The following TBC1D5 variants were observed in gnomAD, a reference collection of about 807,000 sequenced individuals.
The protein encoded by TBC1D5 is TBC1 domain family, member 5.
Under a neutral mutation model 100.3 loss-of-function variants are expected in TBC1D5, and 75 were observed. The ratio of observed to expected loss-of-function variants is 0.75; its 90% CI spans 0.62 to 0.91. The LOEUF is 0.91. Ranked by LOEUF, TBC1D5 falls within the 40% of genes least tolerant of loss-of-function variation. TBC1D5 has a pLI of 0.00. For synonymous variants in TBC1D5, 323 were observed against 325.6 expected, an observed-to-expected ratio of 0.99 and a Z score of 0.09; for missense variants, 910 against 942.4, an observed-to-expected ratio of 0.97 and a Z score of 0.45.
At chr3:17,588,593 A>T (rs965683224) in intron 2 of TBC1D5, among the ~76,000 whole-genome samples, 2 of 152,122 alleles carry the variant, frequency 1.3e-5, no homozygotes, top group African/African-American at 4.8e-5. Flanking sequence ...TTTAACGCAC[A>T]AATGCTCAGA....
intron 3 of TBC1D5, among the ~76,000 whole-genome samples, chr3:17,448,350 G>A (rs1167880388): frequency 6.6e-6 from 1 of 152,074 alleles, no homozygotes; most frequent in Non-Finnish European, 1.5e-5. Context: ...CCCTGTTCAG[G>A]CTGATATTTT....
At chr3:17,511,190 G>A (rs960019677) in intron 2 of TBC1D5, among the ~76,000 whole-genome samples, 4 of 151,950 alleles carry the variant, frequency 2.6e-5, no homozygotes, top group Non-Finnish European at 5.9e-5. Flanking sequence ...AAAATACTGA[G>A]TAGAACAGAT....
At chr3:17,393,124 T>TG (rs2093403891) in intron 8 of TBC1D5, among the ~76,000 whole-genome samples, 1 of 151,954 alleles carries the variant, frequency 6.6e-6, no homozygotes, top group Admixed American at 6.6e-5. Flanking sequence ...TGAGGTTTTT[T>TG]TTTTTCCATG....
intron 3 of TBC1D5, among the ~76,000 whole-genome samples, chr3:17,462,708 T>C (rs1417070109): frequency 1.3e-5 from 2 of 152,192 alleles, no homozygotes; most frequent in African/African-American, 4.8e-5. Context: ...ACTGCTTGCC[T>C]ATCTATACAG....
intron 3 of TBC1D5, among the ~76,000 whole-genome samples, chr3:17,447,056 G>T (rs1166031632): frequency 6.6e-6 from 1 of 152,104 alleles, no homozygotes; most frequent in Non-Finnish European, 1.5e-5. Flanking sequence ...AGAGGATTTT[G>T]AGAAGGAGGA....
intron 2 of TBC1D5, among the ~76,000 whole-genome samples, chr3:17,536,985 G>C (rs2096288627): frequency 6.6e-6 from 1 of 152,192 alleles, no homozygotes; most frequent in Non-Finnish European, 1.5e-5. Flanking sequence ...AAAGGTGTCA[G>C]ACTGTTAGTT....
chr3:17,419,497 T>C (rs950489033), intron 4 of TBC1D5, among the ~76,000 whole-genome samples: 8 of 152,180 alleles, frequency 5.3e-5, no homozygotes, highest in African/African-American at 1.9e-4. Context: ...CATTCTAATA[T>C]ACTGCAAAAG....
chr3:17,473,678 T>G (rs1171095488), intron 3 of TBC1D5, among the ~76,000 whole-genome samples: 1 of 152,174 alleles, frequency 6.6e-6, no homozygotes, highest in Non-Finnish European at 1.5e-5. Context: ...GTAAATCAAA[T>G]TTGATGAGGA....
intron 2 of TBC1D5, among the ~76,000 whole-genome samples, chr3:17,602,594 A>G (rs2061039705): frequency 1.3e-5 from 1 of 76,260 alleles, no homozygotes; most frequent in African/African-American, 5.3e-5. Context: ...TTTTTTTGAG[A>G]CGGAGTCTCT....
intron 2 of TBC1D5, among the ~76,000 whole-genome samples, chr3:17,584,782 G>A (rs749147173): frequency 6.6e-6 from 1 of 152,206 alleles, no homozygotes; most frequent in Non-Finnish European, 1.5e-5. Flanking sequence ...TCAGCCTCAT[G>A]AGTAGCTGGG....
chr3:17,343,089 T>C (rs7621906), intron 13 of TBC1D5, among the ~76,000 whole-genome samples: 13,202 of 151,768 alleles, frequency 0.087, 1,133 homozygotes, highest in African/African-American at 0.25. Context: ...TTCAGTATGA[T>C]ATTGGCTGTG....
chr3:17,587,177 C>T (rs561100896), intron 2 of TBC1D5, among the ~76,000 whole-genome samples: 37 of 151,950 alleles, frequency 2.4e-4, no homozygotes, highest in African/African-American at 8.4e-4. Flanking sequence ...ATCATACACA[C>T]AGATATATTT....
intron 2 of TBC1D5, among the ~76,000 whole-genome samples, chr3:17,546,125 C>T (rs1188124080): frequency 6.6e-6 from 1 of 152,080 alleles, no homozygotes; most frequent in Non-Finnish European, 1.5e-5. Context: ...TATATAATTC[C>T]TTACAAAGTC....
intron 15 of TBC1D5, among the ~76,000 whole-genome samples, chr3:17,260,635 T>C (rs188263547): frequency 7.7e-4 from 117 of 152,308 alleles, no homozygotes; most frequent in Non-Finnish European, 1.4e-3. Context: ...TGGTTGAAAG[T>C]TATTCTTTTC....
chr3:17,407,374 G>A (rs34892692), intron 4 of TBC1D5, among the ~76,000 whole-genome samples: 59,789 of 151,926 alleles, frequency 0.39, 12,415 homozygotes, highest in Middle Eastern at 0.46. Context: ...CTTGAGTAGA[G>A]GCTACTGAGA....
At chr3:17,356,747 A>G (rs1322099862) in intron 13 of TBC1D5, among the ~76,000 whole-genome samples, 2 of 152,202 alleles carry the variant, frequency 1.3e-5, no homozygotes, top group African/African-American at 4.8e-5. Context: ...TATGTGGGTC[A>G]GAAAATGGCT....
At chr3:17,715,983 C>T (rs866189093) in intron 1 of TBC1D5, among the ~76,000 whole-genome samples, 11 of 146,990 alleles carry the variant, frequency 7.5e-5, no homozygotes, top group South Asian at 6.9e-4. Context: ...ATCCGGGAGG[C>T]GGAGGCTGCA....
chr3:17,356,614 A>G (rs1215351138), intron 13 of TBC1D5, among the ~76,000 whole-genome samples: 1 of 152,250 alleles, frequency 6.6e-6, no homozygotes, highest in Non-Finnish European at 1.5e-5. Flanking sequence ...TTTTTAAAAG[A>G]TACAGCAGCT....
chr3:17,304,804 T>C (rs1396936330), intron 14 of TBC1D5, among the ~76,000 whole-genome samples: 1 of 152,198 alleles, frequency 6.6e-6, no homozygotes, highest in Non-Finnish European at 1.5e-5. Context: ...TCTCTATCAG[T>C]TCTGCCCTGC....
Sources: gnomAD v4.1 joint callset for allele counts (sites outside exome capture counted in the v4.1 genomes callset) on GRCh38, gnomAD v4.1.1 for gene constraint, MANE v1.5 for transcripts, NCBI Gene and HGNC (gene_info 2026-07-23, HGNC 2026-07-21) for gene names.